Variants in ST6GALNAC3 observed in about 807,000 individuals in gnomAD.
The protein encoded by ST6GALNAC3 is alpha-N-acetylgalactosaminide alpha-2,6-sialyltransferase 3.
ST6GALNAC3 carries 25 observed loss-of-function variants against 32.7 expected under a neutral mutation model. That is an observed-to-expected ratio of 0.76 (90% CI 0.56 to 1.07). ST6GALNAC3 has a LOEUF of 1.07. Ranked by LOEUF, ST6GALNAC3 falls within the 50% of genes least tolerant of loss-of-function variation. The probability of loss-of-function intolerance (pLI) is 0.00; values close to 1 mark genes in which losing one functional copy is unlikely to be tolerated. For synonymous variants in ST6GALNAC3, 129 were observed against 133.1 expected, an observed-to-expected ratio of 0.97 and a Z score of 0.21; for missense variants, 355 against 382.4, an observed-to-expected ratio of 0.93 and a Z score of 0.60.
intron 1 of ST6GALNAC3, among the ~76,000 whole-genome samples, chr1:76,131,420 G>A (rs917471206): frequency 6.6e-6 from 1 of 152,204 alleles, no homozygotes; most frequent in Non-Finnish European, 1.5e-5. Flanking sequence ...CGGAAAAAGT[G>A]TATTACAAGC....
intron 3 of ST6GALNAC3, among the ~76,000 whole-genome samples, chr1:76,541,737 G>A (rs1664005504): frequency 6.6e-6 from 1 of 152,204 alleles, no homozygotes; most frequent in South Asian, 2.1e-4. Flanking sequence ...AGCACATGCT[G>A]TGTGTATCAC....
At chr1:76,085,008 C>CA (rs1646946418) in intron 1 of ST6GALNAC3, among the ~76,000 whole-genome samples, 1 of 152,096 alleles carries the variant, frequency 6.6e-6, no homozygotes, top group Non-Finnish European at 1.5e-5. Flanking sequence ...AGACTAGGGT[C>CA]AGCAAACTAC....
At position 76,151,933 on chromosome 1, in the gene ST6GALNAC3, C is replaced by A. The variant is rs564300717; in HGVS notation, c.18+77049C>A. Reference sequence around the variant, plus strand: ...CGGTTCTTGAGAGTTGGGTGAGAATCCAGGCTTCCTGACTCTTGCTGCAGT... The same window carrying A: ...CGGTTCTTGAGAGTTGGGTGAGAATACAGGCTTCCTGACTCTTGCTGCAGT... On this transcript the variant is annotated intron_variant, in intron 1 of 4. Transcript: ENST00000328299. 3.9e-5 allele frequency among the ~76,000 whole-genome samples: 6 copies of A among 152,256 alleles called. No individual in the cohort carries two copies. The East Asian group carries it at 1.2e-3, about 29-fold the overall frequency.
At chr1:76,185,580 C>T (rs1467525289) in intron 1 of ST6GALNAC3, among the ~76,000 whole-genome samples, 1 of 152,298 alleles carries the variant, frequency 6.6e-6, no homozygotes. Context: ...CTCCTCACCC[C>T]TGATGCATTT....
intron 1 of ST6GALNAC3, among the ~76,000 whole-genome samples, chr1:76,200,493 G>C (rs987413176): frequency 6.6e-6 from 1 of 152,198 alleles, no homozygotes; most frequent in Middle Eastern, 3.4e-3. Context: ...AACCAGCTCA[G>C]ATGGTTGCCT....
chr1:76,207,766 G>A (rs920410988), intron 1 of ST6GALNAC3, among the ~76,000 whole-genome samples: 1 of 152,158 alleles, frequency 6.6e-6, no homozygotes, highest in East Asian at 1.9e-4. Flanking sequence ...CATACCAGGT[G>A]GTTACCCACA....
intron 1 of ST6GALNAC3, among the ~76,000 whole-genome samples, chr1:76,209,063 G>A (rs1250693059): frequency 3.5e-4 from 53 of 152,126 alleles, no homozygotes; most frequent in Admixed American, 3.3e-3. Context: ...AATTGCTGGA[G>A]TTTTCTCTGG....
chr1:76,512,262 C>T (rs1217532757), intron 3 of ST6GALNAC3, among the ~76,000 whole-genome samples: 1 of 152,086 alleles, frequency 6.6e-6, no homozygotes, highest in Non-Finnish European at 1.5e-5. Flanking sequence ...TCCTTCAAAC[C>T]CACACTGCTG....
At chr1:76,592,352 G>A (rs886519548) in intron 3 of ST6GALNAC3, among the ~76,000 whole-genome samples, 4 of 152,206 alleles carry the variant, frequency 2.6e-5, no homozygotes, top group Non-Finnish European at 4.4e-5. Context: ...ACAAAGAGAC[G>A]GGGTGATGAA....
intron 2 of ST6GALNAC3, among the ~76,000 whole-genome samples, chr1:76,372,909 CCT>C (rs1386300401): frequency 2.0e-5 from 3 of 151,914 alleles, no homozygotes; most frequent in Non-Finnish European, 4.4e-5. Flanking sequence ...ATGCTCCTTG[CCT>C]CTCTTCTTGC....
rs934936032 is a variant in ST6GALNAC3, at chr1:76,522,098, A to T, written c.624-105354A>T. On this transcript the variant is annotated intron_variant, in intron 3 of 4. Coordinates refer to ENST00000328299, the MANE Select transcript of ST6GALNAC3 (RefSeq NM_152996.4). ...AGACTCCATTTCTAAAAAAAAAAAA[A>T]AAAAACACCATTCTAATTTCTTCTG... is the stretch of plus-strand genomic sequence containing the variant. 3.7e-4 allele frequency among the ~76,000 whole-genome samples: 56 copies of T among 152,116 alleles called. 3 individuals are homozygous for T. In the South Asian group the frequency reaches 0.011, roughly 31 times the overall value.
At chr1:76,106,645 A>AATTTT (rs1647556208) in intron 1 of ST6GALNAC3, among the ~76,000 whole-genome samples, 1 of 152,172 alleles carries the variant, frequency 6.6e-6, no homozygotes, top group Admixed American at 6.5e-5. Flanking sequence ...GCAACAACAT[A>AATTTT]CTTTTCTTTT....
intron 3 of ST6GALNAC3, among the ~76,000 whole-genome samples, chr1:76,450,680 GT>G (rs1375857922): frequency 2.0e-5 from 3 of 152,088 alleles, no homozygotes; most frequent in Admixed American, 6.6e-5. Flanking sequence ...AATTTTTATG[GT>G]TTCAGGTCTT....
chr1:76,409,427 G>T (rs1342798559), intron 2 of ST6GALNAC3, among the ~76,000 whole-genome samples: 1 of 151,920 alleles, frequency 6.6e-6, no homozygotes, highest in Non-Finnish European at 1.5e-5. Context: ...TTTTATAGGA[G>T]TACAAATAAA....
At chr1:76,442,384 A>C (rs1656676038) in intron 3 of ST6GALNAC3, among the ~76,000 whole-genome samples, 1 of 152,198 alleles carries the variant, frequency 6.6e-6, no homozygotes, top group South Asian at 2.1e-4. Context: ...TGTATCTGCT[A>C]TCACCAAACA....
chr1:76,303,025 G>A (rs948636295), intron 1 of ST6GALNAC3, among the ~76,000 whole-genome samples: 1 of 127,916 alleles, frequency 7.8e-6, no homozygotes, highest in Non-Finnish European at 1.8e-5. Flanking sequence ...TCATGTAAAT[G>A]AAGTGGTGGT....
chr1:76,289,962 C>T (rs1019905579), intron 1 of ST6GALNAC3, among the ~76,000 whole-genome samples: 3 of 152,186 alleles, frequency 2.0e-5, no homozygotes, highest in Non-Finnish European at 4.4e-5. Flanking sequence ...GTGGTGTGAC[C>T]TGGGCAGAGT....
At chr1:76,558,427 T>C (rs1375159233) in intron 3 of ST6GALNAC3, among the ~76,000 whole-genome samples, 2 of 152,130 alleles carry the variant, frequency 1.3e-5, no homozygotes, top group Non-Finnish European at 2.9e-5. Flanking sequence ...TAATGAAATA[T>C]TGCCCTTTGC....
At chr1:76,334,184 TGATAGTGTTC>T (rs1342874782) in intron 2 of ST6GALNAC3, among the ~76,000 whole-genome samples, 1 of 152,240 alleles carries the variant, frequency 6.6e-6, no homozygotes, top group Middle Eastern at 3.2e-3. Flanking sequence ...TGTTATCACT[TGATAGTGTTC>T]TGGCACTGGC....
Sources: gnomAD v4.1 joint callset for allele counts (sites outside exome capture counted in the v4.1 genomes callset) on GRCh38, gnomAD v4.1.1 for gene constraint, MANE v1.5 for transcripts, NCBI Gene and HGNC (gene_info 2026-07-23, HGNC 2026-07-21) for gene names.